Variants in SLC25A16 observed in about 807,000 individuals in gnomAD.
SLC25A16 encodes solute carrier family 25 member 16.
A neutral mutation model predicts 41.5 loss-of-function variants in SLC25A16; 39 were observed. The ratio of observed to expected loss-of-function variants is 0.94; its 90% CI spans 0.73 to 1.23. The LOEUF is 1.23. Among genes scored for constraint, SLC25A16 ranks in the 50% most tolerant of loss-of-function variants. The pLI, the probability that SLC25A16 is intolerant of heterozygous loss-of-function variation, is 0.00. For missense variants in SLC25A16, 421 were observed against 426.9 expected, an observed-to-expected ratio of 0.99 and a Z score of 0.12; for synonymous variants, 146 against 147.8, an observed-to-expected ratio of 0.99 and a Z score of 0.09.
At chr10:68,483,865 T>C (rs1008760424) in intron 8 of SLC25A16, among the ~76,000 whole-genome samples, 5 of 152,138 alleles carry the variant, frequency 3.3e-5, no homozygotes, top group Admixed American at 1.3e-4. Flanking sequence ...GGTTTCTCCA[T>C]GTTGCCCAGG....
chr10:68,527,517 G>A lies in SLC25A16; in HGVS notation c.-142C>T. 1.1e-5 allele frequency: 8 copies of A among 760,688 alleles called. No individual in the cohort carries two copies. Among genetic ancestry groups the A allele is most frequent in the Non-Finnish European group, 1.6e-5 (8 of 504,630 alleles). The allele number at this position is 760,688 out of a possible 1,614,324, so 47.1% of individuals were successfully genotyped here. On this transcript the variant is annotated 5_prime_UTR_variant, in exon 1 of 9. Coordinates refer to ENST00000609923, the MANE Select transcript of SLC25A16 (RefSeq NM_152707.4). ...ACCCGGCGGCGCGGCGCCGGCTGAT[G>A]GCGTACAGCAAGGGCGGGGCCTGTG...
intron 1 of SLC25A16, among the ~76,000 whole-genome samples, chr10:68,526,211 T>C (rs1421243022): frequency 1.3e-5 from 2 of 151,302 alleles, no homozygotes; most frequent in African/African-American, 2.4e-5. Context: ...TAAAACGCGA[T>C]TGTATGCTCC....
At chr10:68,514,435 G>A (rs922731939) in intron 2 of SLC25A16, among the ~76,000 whole-genome samples, 2 of 152,108 alleles carry the variant, frequency 1.3e-5, no homozygotes, top group African/African-American at 4.8e-5. Flanking sequence ...GGCGGAGGTT[G>A]CAGTGAGCAG....
intron 2 of SLC25A16, among the ~76,000 whole-genome samples, chr10:68,507,388 T>A (rs1477285931): frequency 1.3e-5 from 2 of 152,050 alleles, no homozygotes; most frequent in South Asian, 2.1e-4. Flanking sequence ...TGATCTACTC[T>A]TTATCTGGAA....
chr10:68,480,273 A>T lies in SLC25A16; in HGVS notation c.*3159T>A, dbSNP rs1007403863. 1 of 152,188 alleles carries T rather than the reference A, an allele frequency of 6.6e-6. No individual in the cohort carries two copies. The highest frequency in any genetic ancestry group is 2.4e-5 in the African/African-American group (1 of 41,468). The allele number at this position is 152,188 out of a possible 1,614,324, so 9.4% of individuals were successfully genotyped here. On this transcript the variant is annotated 3_prime_UTR_variant, in exon 9 of 9. Coordinates refer to ENST00000609923, the MANE Select transcript of SLC25A16 (RefSeq NM_152707.4). ...GATGCACTTTGGGCAATCTGAAATA[A>T]ATCAGATATAAACACAGTCATTATT...
chr10:68,527,248 C>A lies in SLC25A16; in HGVS notation c.128G>T (p.Gly43Val). The part of the protein sequence containing the change: ...DFYWLRSFLA[G>V]GIAGCCAKTT... ...GGCTCTTCGTGGCATGGACCCACCT[C>A]CGGCCAGAAAGGAGCGCAGCCAGTA... The change falls in exon 1 of 9, where the codon GGA (glycine) becomes GTA (valine). Residue 43 changes from glycine (G) to valine (V), a missense_variant and splice_region_variant. Gly to Val is a moderately radical substitution (Grantham distance 109). Transcript: ENST00000609923. 1 of 1,548,208 alleles carries A rather than the reference C, an allele frequency of 6.5e-7. No homozygotes were observed. Among genetic ancestry groups the A allele is most frequent in the Non-Finnish European group, 8.7e-7 (1 of 1,145,778 alleles).
chr10:68,516,780 T>A lies in SLC25A16; in HGVS notation c.194A>T (p.Gln65Leu), dbSNP rs1402905838. 1 of 1,611,868 alleles carries A rather than the reference T, an allele frequency of 6.2e-7. No individual in the cohort carries two copies. Among genetic ancestry groups the A allele is most frequent in the Non-Finnish European group, 8.5e-7 (1 of 1,178,494 alleles). Reference sequence around the variant, plus strand: ...ATGCTTGTAATGGTGATTGTGAGCTTGTAATAAAACCTTTACTCGATCCAA... The same window carrying A: ...ATGCTTGTAATGGTGATTGTGAGCTAGTAATAAAACCTTTACTCGATCCAA... The part of the protein sequence containing the change: ...APLDRVKVLL[Q>L]AHNHHYKHLG... Residue 65 changes from glutamine (Q) to leucine (L), a missense_variant, in exon 2 of 9, where the codon CAA becomes CTA. Transcript: ENST00000609923.
At chr10:68,521,788 G>A (rs201390557) in intron 1 of SLC25A16, among the ~76,000 whole-genome samples, 11 of 150,958 alleles carry the variant, frequency 7.3e-5, no homozygotes, top group African/African-American at 2.4e-4. Flanking sequence ...TAGTAGAGAC[G>A]GGGTTTCACC....
At chr10:68,505,184 AG>A (rs1415376392) in intron 3 of SLC25A16, among the ~76,000 whole-genome samples, 1 of 152,094 alleles carries the variant, frequency 6.6e-6, no homozygotes, top group Non-Finnish European at 1.5e-5. Flanking sequence ...CCTCTGAAAA[AG>A]AAAGAAAAAA....
At chr10:68,501,678 T>G (rs1041241106) in intron 4 of SLC25A16, among the ~76,000 whole-genome samples, 1 of 139,474 alleles carries the variant, frequency 7.2e-6, no homozygotes, top group Non-Finnish European at 1.5e-5. Flanking sequence ...TCCCAGCACT[T>G]TGGAGGCTGA....
intron 7 of SLC25A16, 77 bp downstream of exon 7, chr10:68,488,390 A>C: frequency 2.8e-6 from 3 of 1,070,078 alleles, no homozygotes; most frequent in Non-Finnish European, 3.9e-6. Flanking sequence ...ATTAGAAAAA[A>C]TAAATGATTA....
In SLC25A16 at chr10:68,503,938, A is replaced by G. The variant is rs550621667; in HGVS notation, c.358-243T>C. On this transcript the variant is annotated intron_variant, in intron 3 of 8. Coordinates refer to ENST00000609923, the MANE Select transcript of SLC25A16 (RefSeq NM_152707.4). ...TTCTGCAGAAGCAAGCTAGCTTAGT[A>G]TTGCTAAGTATATGATACTGTGTAT... is the stretch of plus-strand genomic sequence containing the variant. 2.7e-5 allele frequency among the ~76,000 whole-genome samples: 4 copies of G among 150,398 alleles called. No individual in the cohort carries two copies. The South Asian group carries it at 8.4e-4, about 32-fold the overall frequency.
Position 68,527,337 on chromosome 10 carries a change from GGCCGCCGCCAGGGCTGCCGCGGCCGTC to G in SLC25A16, c.12_38del (p.Thr5_Ala13del), listed in dbSNP as rs983312910. The G allele has an allele frequency of 1.3e-5, 20 of 1,531,762 alleles. No individual in the cohort carries two copies. The highest frequency in any genetic ancestry group is 9.8e-5 in the African/African-American group (7 of 71,076). 94.9% of individuals were successfully genotyped at this position (1,531,762 alleles called of 1,614,324 possible). On this transcript the variant is annotated inframe_deletion, in exon 1 of 9. Coordinates refer to ENST00000609923, the MANE Select transcript of SLC25A16 (RefSeq NM_152707.4). ...CCTGCGGCATTGCGGGAGGGGGATC[GGCCGCCGCCAGGGCTGCCGCGGCCGTC>G]GCCGCCGCCATCAGGACCAGGGTCG...
In SLC25A16 at chr10:68,483,585, G is replaced by T. The variant is rs753536129; in HGVS notation, c.846C>A (p.Thr282=). 1 of 1,586,332 alleles carries T rather than the reference G, an allele frequency of 6.3e-7. No homozygotes were observed. The highest frequency in any genetic ancestry group is 1.2e-5 in the South Asian group (1 of 85,268). ...TVLPEFEKCL[T]MRDTMKYVYG... ...AGACATACTTCATAGTATCCCGCAT[G>T]GTACTGAAAGACAATGATTAAATGA... The change falls in exon 9 of 9, where the codon ACC becomes ACA. Residue 282 remains threonine, a synonymous_variant. Coordinates refer to ENST00000609923, the MANE Select transcript of SLC25A16 (RefSeq NM_152707.4).
At chr10:68,497,872 T>C (rs949371910) in intron 4 of SLC25A16, among the ~76,000 whole-genome samples, 2 of 151,954 alleles carry the variant, frequency 1.3e-5, no homozygotes, top group Non-Finnish European at 2.9e-5. Flanking sequence ...CAGCTTGACC[T>C]CCCAAAATGC....
rs2133467450 is a variant in SLC25A16, at chr10:68,479,178, C to T, written c.*4254G>A. The T allele has an allele frequency of 6.6e-6, 1 of 152,296 alleles. No homozygotes were observed. The highest frequency in any genetic ancestry group is 2.1e-4 in the South Asian group (1 of 4,832). 9.4% of individuals were successfully genotyped at this position (152,296 alleles called of 1,614,324 possible). A position where few individuals can be genotyped will look rare whatever the true frequency, so the allele number is the denominator to read the frequency against. ...TTGAACTATTTGTGCTTCATTTCTG[C>T]CTGCTAGAACATAAAGTCTTCAAAA... On this transcript the variant is annotated 3_prime_UTR_variant, in exon 9 of 9. Coordinates refer to ENST00000609923, the MANE Select transcript of SLC25A16 (RefSeq NM_152707.4).
At chr10:68,504,648 G>T (rs532896584) in intron 3 of SLC25A16, among the ~76,000 whole-genome samples, 89 of 150,348 alleles carry the variant, frequency 5.9e-4, no homozygotes, top group Non-Finnish European at 6.5e-4. Context: ...AAGTGCTGGG[G>T]ATTACAGGCA....
intron 8 of SLC25A16, among the ~76,000 whole-genome samples, chr10:68,486,659 C>A (rs2052569224): frequency 6.6e-6 from 1 of 151,920 alleles, no homozygotes; most frequent in South Asian, 2.1e-4. Context: ...CAGGCACGAG[C>A]TATCGTGCCT....
intron 7 of SLC25A16, 75 bp from the exon 8 acceptor site, chr10:68,487,287 A>AT: frequency 9.5e-7 from 1 of 1,051,376 alleles, no homozygotes; most frequent in Non-Finnish European, 1.5e-6. Flanking sequence ...ACAAAGCCCT[A>AT]TAAATTCAAA....
Sources: gnomAD v4.1 joint callset for allele counts (sites outside exome capture counted in the v4.1 genomes callset) on GRCh38, gnomAD v4.1.1 for gene constraint, MANE v1.5 for transcripts, NCBI Gene and HGNC (gene_info 2026-07-23, HGNC 2026-07-21) for gene names.